SIPA1L1: variants seen among roughly 807,000 people sequenced by gnomAD.
SIPA1L1 encodes the protein signal-induced proliferation-associated 1-like protein 1.
In SIPA1L1, 26 loss-of-function variants were observed where a neutral mutation model predicts 162.7. The observed-to-expected ratio is 0.16, with a 90% CI of 0.12 to 0.22. The LOEUF is 0.22. Among genes scored for constraint, SIPA1L1 ranks in the 10% least tolerant of loss-of-function variants. The probability of loss-of-function intolerance (pLI) is 1.00; values close to 1 mark genes in which losing one functional copy is unlikely to be tolerated. For synonymous variants in SIPA1L1, 829 were observed against 837.4 expected, an observed-to-expected ratio of 0.99 and a Z score of 0.17; for missense variants, 1,874 against 2,241.0, an observed-to-expected ratio of 0.84 and a Z score of 3.31.
At chr14:71,411,534 G>A (rs1335516871) in intron 2 of SIPA1L1, among the ~76,000 whole-genome samples, 1 of 152,064 alleles carries the variant, frequency 6.6e-6, no homozygotes, top group Admixed American at 6.5e-5. Flanking sequence ...TGATTTCACG[G>A]GCACCTTGAA....
chr14:71,632,564 A>T (rs913356448), intron 7 of SIPA1L1, among the ~76,000 whole-genome samples: 17 of 152,174 alleles, frequency 1.1e-4, no homozygotes, highest in Non-Finnish European at 2.5e-4. Context: ...GTGGAGTGGT[A>T]ATGAAGTGCC....
intron 2 of SIPA1L1, among the ~76,000 whole-genome samples, chr14:71,351,728 A>G (rs2036730370): frequency 6.6e-6 from 1 of 152,220 alleles, no homozygotes; most frequent in Middle Eastern, 3.2e-3. Context: ...TTGTTTAAAT[A>G]TAACAAGACA....
Position 71,685,621 on chromosome 14 carries a change from C to G in SIPA1L1, c.3364C>G (p.Leu1122Val). 3 of 1,614,076 alleles carry G rather than the reference C, an allele frequency of 1.9e-6. No individual in the cohort carries two copies. Among genetic ancestry groups the G allele is most frequent in the Non-Finnish European group, 2.5e-6 (3 of 1,179,968 alleles). The change falls in exon 13 of 24, where the codon CTA becomes GTA. Residue 1122 changes from leucine to valine, a missense_variant. Physicochemically the swap from Leu to Val is conservative, Grantham distance 32. Around this residue, in one of 5 missense-constraint regions of SIPA1L1, gnomAD observed 936 missense variants for 1,051.9 expected, o/e 0.89. Transcript: ENST00000381232. Reference protein sequence around the residue: ...PRSISSDGRPLERRLSPGSDI... With the variant: ...PRSISSDGRPVERRLSPGSDI... ...AAGCATCTCCAGTGACGGGCGCCCA[C>G]TAGAGAGGCGGTAAGTGTGCCTTCA... is the stretch of plus-strand genomic sequence containing the variant.
chr14:71,635,045 A>AG (rs2040991528), intron 7 of SIPA1L1, among the ~76,000 whole-genome samples: 1 of 152,104 alleles, frequency 6.6e-6, no homozygotes, highest in African/African-American at 2.4e-5. Context: ...TGAGAGGCCG[A>AG]GGCGGGTGGG....
chr14:71,700,994 C>CA lies in SIPA1L1; in HGVS notation c.3522-1347dup, dbSNP rs539293669. Among the ~76,000 whole-genome samples, 365 of 51,748 alleles carry CA rather than the reference C, an allele frequency of 7.1e-3. 69 individuals carry two copies. The highest frequency in any genetic ancestry group is 0.01 in the Non-Finnish European group (305 of 29,724). 33.9% of individuals were successfully genotyped at this position (51,748 alleles called of 152,430 possible). A position where few individuals can be genotyped will look rare whatever the true frequency, so the allele number is the denominator to read the frequency against. On this transcript the variant is annotated intron_variant, in intron 14 of 23. Coordinates refer to ENST00000381232, the MANE Select transcript of SIPA1L1 (RefSeq NM_001386936.1). Reference sequence around the variant, plus strand: ...TAGGGGACAGAGCAAGACTCCGTCTCAAAAAAAAAAAAAAAAAAAAAAAAA... The same window carrying CA: ...TAGGGGACAGAGCAAGACTCCGTCTCAAAAAAAAAAAAAAAAAAAAAAAAAA...
chr14:71,527,648 A>G (rs1410319539), intron 3 of SIPA1L1, among the ~76,000 whole-genome samples: 1 of 152,182 alleles, frequency 6.6e-6, no homozygotes, highest in Non-Finnish European at 1.5e-5. Context: ...AAAGCTTATT[A>G]ACTATAATGA....
chr14:71,670,920 A>T (rs141221572), intron 10 of SIPA1L1, among the ~76,000 whole-genome samples, 199 bp from the exon 11 acceptor site: 210 of 152,312 alleles, frequency 1.4e-3, no homozygotes, highest in Non-Finnish European at 2.5e-3. Context: ...TAGAAAAAAA[A>T]TTATGTTGTG....
At chr14:71,551,989 T>C (rs1238691104) in intron 4 of SIPA1L1, among the ~76,000 whole-genome samples, 1 of 152,144 alleles carries the variant, frequency 6.6e-6, no homozygotes, top group Non-Finnish European at 1.5e-5. Context: ...ATATTTTAAT[T>C]TTCTGCATGG....
chr14:71,355,544 A>G (rs1015384489), intron 2 of SIPA1L1, among the ~76,000 whole-genome samples: 1 of 152,204 alleles, frequency 6.6e-6, no homozygotes, highest in East Asian at 1.9e-4. Context: ...GCTACCTAAC[A>G]CTGCAGGATT....
At chr14:71,324,511 G>C (rs2033558915) in intron 2 of SIPA1L1, among the ~76,000 whole-genome samples, 1 of 152,114 alleles carries the variant, frequency 6.6e-6, no homozygotes, top group Admixed American at 6.5e-5. Context: ...GGAAACGAAC[G>C]ATCTGTGGTG....
chr14:71,609,445 TA>T (rs1730915108), intron 5 of SIPA1L1, among the ~76,000 whole-genome samples: 1 of 127,184 alleles, frequency 7.9e-6, no homozygotes, highest in Admixed American at 7.3e-5. Flanking sequence ...ATATTTTATT[TA>T]TTTATTTATT....
chr14:71,493,435 G>A (rs1038138926), intron 2 of SIPA1L1, among the ~76,000 whole-genome samples: 4 of 152,116 alleles, frequency 2.6e-5, no homozygotes, highest in African/African-American at 9.7e-5. Context: ...GGGAGGTCTT[G>A]TTTTACTGCT....
At chr14:71,366,609 T>C (rs2038322670) in intron 2 of SIPA1L1, among the ~76,000 whole-genome samples, 1 of 152,148 alleles carries the variant, frequency 6.6e-6, no homozygotes, top group Non-Finnish European at 1.5e-5. Flanking sequence ...AATTTTGTTT[T>C]TGTATTTTTA....
rs561025260 is a variant in SIPA1L1, at chr14:71,585,734, G to A, written c.-302-1837G>A. Among the ~76,000 whole-genome samples, 35 of 152,308 alleles carry A rather than the reference G, an allele frequency of 2.3e-4. 1 individual carries two copies. Among genetic ancestry groups the A allele is most frequent in the African/African-American group, 7.7e-4 (32 of 41,576 alleles). ...GGATTTCTGTGAGGTTGTGAGAAAT[G>A]TTGAAAGCATCTAATTTTTATAAAA... On this transcript the variant is annotated intron_variant, in intron 4 of 23. Transcript: ENST00000381232.
intron 7 of SIPA1L1, among the ~76,000 whole-genome samples, chr14:71,637,600 G>T (rs2041290379): frequency 6.6e-6 from 1 of 151,902 alleles, no homozygotes; most frequent in Non-Finnish European, 1.5e-5. Flanking sequence ...CAGGCTTGGT[G>T]GCTCATGTCT....
intron 2 of SIPA1L1, among the ~76,000 whole-genome samples, chr14:71,325,219 C>T (rs1024906531): frequency 5.3e-5 from 8 of 152,144 alleles, no homozygotes; most frequent in African/African-American, 1.9e-4. Context: ...ATCAATTGGC[C>T]TCATTGAATT....
chr14:71,542,874 G>A (rs2054605716), intron 4 of SIPA1L1, among the ~76,000 whole-genome samples: 1 of 150,656 alleles, frequency 6.6e-6, no homozygotes, highest in African/African-American at 2.4e-5. Flanking sequence ...ATGATCCTCT[G>A]TGCCCTGCCC....
chr14:71,349,333 A>G (rs1403097004), intron 2 of SIPA1L1, among the ~76,000 whole-genome samples: 1 of 152,162 alleles, frequency 6.6e-6, no homozygotes, highest in Non-Finnish European at 1.5e-5. Context: ...TAAGGGTCTT[A>G]TGATCTATTT....
intron 2 of SIPA1L1, among the ~76,000 whole-genome samples, chr14:71,425,185 TTTG>T (rs2043473725): frequency 6.6e-6 from 1 of 152,088 alleles, no homozygotes; most frequent in African/African-American, 2.4e-5. Flanking sequence ...ATTTGTCAAT[TTTG>T]TTGATATTTC....
Sources: gnomAD v4.1 joint callset for allele counts (sites outside exome capture counted in the v4.1 genomes callset) on GRCh38, gnomAD v4.1.1 for gene constraint, gnomAD v4.1.1 regional missense constraint, MANE v1.5 for transcripts, NCBI Gene and HGNC (gene_info 2026-07-23, HGNC 2026-07-21) for gene names.